Variants in BICRAL observed in about 807,000 individuals in gnomAD.
BICRAL encodes BRD4-interacting chromatin-remodeling complex-associated protein-like.
BICRAL carries 8 observed loss-of-function variants against 91.8 expected under a neutral mutation model. The ratio of observed to expected loss-of-function variants is 0.09; its 90% CI spans 0.05 to 0.16. The LOEUF is 0.16. Ranked by LOEUF, BICRAL falls within the 10% of genes least tolerant of loss-of-function variation. The pLI, the probability that BICRAL is intolerant of heterozygous loss-of-function variation, is 1.00. For synonymous variants in BICRAL, 445 were observed against 491.1 expected (o/e 0.91, Z 1.24); for missense variants, 1,038 against 1,310.9 (o/e 0.79, Z 3.21).
intron 1 of BICRAL, among the ~76,000 whole-genome samples, chr6:42,753,626 T>G (rs1209610088): frequency 6.6e-6 from 1 of 152,110 alleles, no homozygotes; most frequent in Admixed American, 6.6e-5. Context: ...TGTTTGTTTT[T>G]TTTCAGACAG....
chr6:42,750,381 C>G (rs1050958130), intron 1 of BICRAL, among the ~76,000 whole-genome samples: 1 of 151,076 alleles, frequency 6.6e-6, no homozygotes, highest in African/African-American at 2.4e-5. Flanking sequence ...CCAGGCTGGT[C>G]TTAAACTCTT....
In BICRAL at chr6:42,855,421, A is replaced by G. The variant is rs999969506; in HGVS notation, c.2047-435A>G. Reference sequence around the variant, plus strand: ...AACAGGCGTGGTGGTGCATACCTGTAGTCCCAGCTACCTGGGAGGCTGAGG... The same window carrying G: ...AACAGGCGTGGTGGTGCATACCTGTGGTCCCAGCTACCTGGGAGGCTGAGG... On this transcript the variant is annotated intron_variant, in intron 8 of 12. Coordinates refer to ENST00000314073, the MANE Select transcript of BICRAL (RefSeq NM_001393499.1). Among the ~76,000 whole-genome samples, 11 of 152,168 alleles carry G rather than the reference A, an allele frequency of 7.2e-5. No individual in the cohort carries two copies. In the South Asian group the frequency reaches 1.0e-3, roughly 14 times the overall value.
chr6:42,818,280 C>G (rs1764051976), intron 2 of BICRAL, among the ~76,000 whole-genome samples: 2 of 152,056 alleles, frequency 1.3e-5, no homozygotes, highest in African/African-American at 4.8e-5. Context: ...TGCTTAGGAG[C>G]TAGTTGTATT....
intron 1 of BICRAL, among the ~76,000 whole-genome samples, chr6:42,785,375 G>A (rs1763072599): frequency 6.6e-6 from 1 of 151,790 alleles, no homozygotes; most frequent in South Asian, 2.1e-4. Flanking sequence ...CCTGTCCAAC[G>A]TGGTGAAACC....
At chr6:42,817,013 C>CA (rs368409842) in intron 2 of BICRAL, among the ~76,000 whole-genome samples, 46,100 of 115,020 alleles carry the variant, frequency 0.4, 8,363 homozygotes, top group South Asian at 0.49. Flanking sequence ...GACTCCATCT[C>CA]AAAAAAAAAA....
intron 1 of BICRAL, among the ~76,000 whole-genome samples, chr6:42,757,942 G>T (rs1490438483): frequency 6.6e-6 from 1 of 152,182 alleles, no homozygotes; most frequent in Non-Finnish European, 1.5e-5. Flanking sequence ...TCTGGCTCCT[G>T]AGTTCAGGCT....
chr6:42,788,667 C>T (rs532474918), intron 1 of BICRAL, among the ~76,000 whole-genome samples: 11 of 152,282 alleles, frequency 7.2e-5, no homozygotes, highest in East Asian at 1.9e-4. Context: ...AACTTTCTGA[C>T]GGCTTCTGTT....
chr6:42,755,121 G>C (rs921108069), intron 1 of BICRAL, among the ~76,000 whole-genome samples: 1 of 151,982 alleles, frequency 6.6e-6, no homozygotes, highest in Non-Finnish European at 1.5e-5. Context: ...GGTCTGGAAA[G>C]TGTGCAGAAG....
At chr6:42,837,146 C>T (rs1319631437) in intron 6 of BICRAL, among the ~76,000 whole-genome samples, 2 of 151,274 alleles carry the variant, frequency 1.3e-5, no homozygotes, top group African/African-American at 4.9e-5. Flanking sequence ...AGAGTTTTGC[C>T]ATTTTGGCCA....
intron 6 of BICRAL, among the ~76,000 whole-genome samples, chr6:42,846,390 G>A (rs1175763304): frequency 9.1e-5 from 12 of 132,430 alleles, no homozygotes; most frequent in African/African-American, 4.4e-4. Flanking sequence ...TAAACAATAA[G>A]TTAAATAAAT....
rs35473219 is a variant in BICRAL at position 42,814,479 on chromosome 6, A to ATGTG, written c.-6+4096_-6+4099dup. Among the ~76,000 whole-genome samples, 451 of 78,908 alleles carry ATGTG rather than the reference A, an allele frequency of 5.7e-3. 8 individuals carry two copies. Among genetic ancestry groups the ATGTG allele is most frequent in the African/African-American group, 0.017 (223 of 12,830 alleles). 51.8% of individuals were successfully genotyped at this position (78,908 alleles called of 152,430 possible). A position where few individuals can be genotyped will look rare whatever the true frequency, so the allele number is the denominator to read the frequency against. On this transcript the variant is annotated intron_variant, in intron 2 of 12. Coordinates refer to ENST00000314073, the MANE Select transcript of BICRAL (RefSeq NM_001393499.1). Reference sequence around the variant, plus strand: ...TATACGTATACATACATATACATGCATGTGTGTGTGTGTGTGTGTGTATAT... The same window carrying ATGTG: ...TATACGTATACATACATATACATGCATGTGTGTGTGTGTGTGTGTGTGTGTATAT...
Position 42,789,184 on chromosome 6 carries a change from G to A in BICRAL, c.-102+7083G>A, listed in dbSNP as rs115932025. ...GGAAGATGAAAAATTTCTAAAGCTGGATAGGGCTCTTGGTTTCACAGCAAT... is the reference window on the plus strand; with the variant it reads ...GGAAGATGAAAAATTTCTAAAGCTGAATAGGGCTCTTGGTTTCACAGCAAT... On this transcript the variant is annotated intron_variant, in intron 1 of 12. Coordinates refer to ENST00000314073, the MANE Select transcript of BICRAL (RefSeq NM_001393499.1). Among the ~76,000 whole-genome samples, 923 of 152,284 alleles carry A rather than the reference G, an allele frequency of 6.1e-3. 10 individuals carry two copies. Among genetic ancestry groups the A allele is most frequent in the African/African-American group, 0.021 (892 of 41,552 alleles).
chr6:42,778,463 G>T (rs1257593152), upstream of BICRAL, among the ~76,000 whole-genome samples: 1 of 152,188 alleles, frequency 6.6e-6, no homozygotes, highest in African/African-American at 2.4e-5. Flanking sequence ...AAGTTCATAT[G>T]ATAATGTGTA....
chr6:42,807,078 G>A (rs953976647), intron 1 of BICRAL, among the ~76,000 whole-genome samples: 10 of 152,124 alleles, frequency 6.6e-5, no homozygotes, highest in South Asian at 2.1e-4. Flanking sequence ...TGATCCACCC[G>A]CCTCGGCCTC....
At chr6:42,799,145 G>A (rs1433680163) in intron 1 of BICRAL, among the ~76,000 whole-genome samples, 1 of 152,088 alleles carries the variant, frequency 6.6e-6, no homozygotes. Context: ...GAGCTCAAAT[G>A]AACCTCCTGC....
chr6:42,828,959 G>A lies in BICRAL; in HGVS notation c.626G>A (p.Gly209Asp). The A allele has an allele frequency of 6.2e-7, 1 of 1,614,138 alleles. No individual in the cohort carries two copies. Among genetic ancestry groups the A allele is most frequent in the South Asian group, 1.1e-5 (1 of 91,084 alleles). Reference protein sequence around the residue: ...QHLSNSSQISGSGQIQLIGSF... With the variant: ...QHLSNSSQISDSGQIQLIGSF... ...TTGTCTAATAGCAGTCAGATTAGTG[G>A]TTCTGGTCAAATACAGTTAATTGGG... is the stretch of plus-strand genomic sequence containing the variant. Residue 209 changes from glycine to aspartate, a missense_variant, in exon 6 of 13, where the codon GGT (glycine) becomes GAT (aspartate). Physicochemically the swap from Gly to Asp is moderately conservative, Grantham distance 94. This residue lies in a region of BICRAL where 532 missense variants were observed against 724.9 expected (regional missense o/e 0.73). Transcript: ENST00000314073.
chr6:42,783,088 G>C (rs1327906891), intron 1 of BICRAL, among the ~76,000 whole-genome samples: 2 of 151,430 alleles, frequency 1.3e-5, no homozygotes, highest in Non-Finnish European at 3.0e-5. Flanking sequence ...GAGCAGGTCC[G>C]GGGTGCGGCG....
At chr6:42,789,187 A>T (rs1763194295) in intron 1 of BICRAL, among the ~76,000 whole-genome samples, 1 of 152,236 alleles carries the variant, frequency 6.6e-6, no homozygotes, top group African/African-American at 2.4e-5. Flanking sequence ...AAAGCTGGAT[A>T]GGGCTCTTGG....
At chr6:42,852,609 C>G in intron 7 of BICRAL, 1 of 344,010 alleles carries the variant, frequency 2.9e-6, no homozygotes, top group South Asian at 2.2e-5. Flanking sequence ...TTGCAGTGAG[C>G]TGAGATCACA....
Sources: gnomAD v4.1 joint callset for allele counts (sites outside exome capture counted in the v4.1 genomes callset) on GRCh38, gnomAD v4.1.1 for gene constraint, gnomAD v4.1.1 regional missense constraint, MANE v1.5 for transcripts, NCBI Gene and HGNC (gene_info 2026-07-23, HGNC 2026-07-21) for gene names.